Variants in CSMD1 observed in about 807,000 individuals in gnomAD.
The protein encoded by CSMD1 is CUB and sushi domain-containing protein 1.
CSMD1 carries 213 observed loss-of-function variants against 417.5 expected under a neutral mutation model. That is an observed-to-expected ratio of 0.51 (90% CI 0.46 to 0.57). CSMD1 has a LOEUF of 0.57. Among genes scored for constraint, CSMD1 ranks in the 20% least tolerant of loss-of-function variants. The probability of loss-of-function intolerance (pLI) is 0.00; values close to 1 mark genes in which losing one functional copy is unlikely to be tolerated. For missense variants in CSMD1, 6,923 were observed against 4,529.7 expected (o/e 1.53, Z -15.17); for synonymous variants, 2,862 against 1,736.8 (o/e 1.65, Z -16.11).
intron 37 of CSMD1, 79 bp from the exon 38 acceptor site, chr8:3,162,356 C>G: frequency 1.1e-6 from 1 of 887,342 alleles, no homozygotes; most frequent in Non-Finnish European, 1.8e-6. Context: ...AAGTTTATTT[C>G]TATTGCTCTC....
chr8:3,518,400 G>A (rs1437612692), intron 10 of CSMD1, among the ~76,000 whole-genome samples: 1 of 152,108 alleles, frequency 6.6e-6, no homozygotes, highest in East Asian at 1.9e-4. Context: ...AGATGCCATT[G>A]TATTTAGAAA....
chr8:4,153,829 G>A (rs945115197), intron 3 of CSMD1, among the ~76,000 whole-genome samples: 6 of 152,204 alleles, frequency 3.9e-5, no homozygotes, highest in African/African-American at 7.2e-5. Flanking sequence ...ATGACGGAAC[G>A]TCACATGCAA....
At chr8:3,640,427 T>A (rs1359480582) in intron 7 of CSMD1, among the ~76,000 whole-genome samples, 7 of 152,240 alleles carry the variant, frequency 4.6e-5, no homozygotes, top group Non-Finnish European at 1.0e-4. Flanking sequence ...CCAGAGACCA[T>A]CTTTCCTATG....
In CSMD1 at chr8:4,684,595, C is replaced by G. The variant is rs141152459; in HGVS notation, c.86-47037G>C. 3.7e-3 allele frequency among the ~76,000 whole-genome samples: 568 copies of G among 152,252 alleles called. 5 individuals are homozygous for G. Among genetic ancestry groups the G allele is most frequent in the African/African-American group, 0.013 (551 of 41,544 alleles). ...TACTGGGTGCTTTGGCCCTGTTAGC[C>G]TGTCTGAACCCTCTTTTGAAAATTA... On this transcript the variant is annotated intron_variant, in intron 1 of 69. Coordinates refer to ENST00000635120, the MANE Select transcript of CSMD1 (RefSeq NM_033225.6).
intron 9 of CSMD1, among the ~76,000 whole-genome samples, chr8:3,584,020 T>C (rs570730206): frequency 1.7e-4 from 26 of 152,016 alleles, no homozygotes; most frequent in Admixed American, 1.6e-3. Context: ...CCATCCACTA[T>C]AAAAACACCT....
chr8:4,792,992 ATATATAT>A (rs1479484961), intron 1 of CSMD1, among the ~76,000 whole-genome samples: 11 of 151,364 alleles, frequency 7.3e-5, no homozygotes, highest in African/African-American at 2.7e-4. Context: ...CAATATATAT[ATATATAT>A]ATATATATCT....
At chr8:3,357,096 A>G (rs1232394601) in intron 21 of CSMD1, among the ~76,000 whole-genome samples, 1 of 152,138 alleles carries the variant, frequency 6.6e-6, no homozygotes, top group Non-Finnish European at 1.5e-5. Context: ...TGCAGCGGCC[A>G]GAATCCTCCA....
chr8:4,624,350 A>T (rs1223882023), intron 2 of CSMD1, among the ~76,000 whole-genome samples: 1 of 152,238 alleles, frequency 6.6e-6, no homozygotes, highest in South Asian at 2.1e-4. Flanking sequence ...CTCCATTATC[A>T]AAAGAAAGTA....
intron 2 of CSMD1, among the ~76,000 whole-genome samples, chr8:4,540,542 CCTA>C (rs1797329954): frequency 6.6e-6 from 1 of 151,900 alleles, no homozygotes; most frequent in African/African-American, 2.4e-5. Context: ...CATCTGAAAA[CCTA>C]ATGGATGGGA....
chr8:4,078,187 T>A (rs1213087669), intron 3 of CSMD1, among the ~76,000 whole-genome samples: 1 of 152,218 alleles, frequency 6.6e-6, no homozygotes, highest in Non-Finnish European at 1.5e-5. Flanking sequence ...TATTTTCAAC[T>A]CTTTGCTGCA....
chr8:4,167,750 G>A (rs1049164166), intron 3 of CSMD1, among the ~76,000 whole-genome samples: 2 of 152,182 alleles, frequency 1.3e-5, no homozygotes, highest in Non-Finnish European at 2.9e-5. Context: ...AGCACTTTTA[G>A]AGACCAAGGC....
chr8:3,999,871 G>T (rs1378659793), intron 4 of CSMD1, among the ~76,000 whole-genome samples: 3 of 152,142 alleles, frequency 2.0e-5, no homozygotes, highest in Non-Finnish European at 4.4e-5. Context: ...TGACGTTGTG[G>T]AAAGGGCTGC....
chr8:3,205,683 C>T lies in CSMD1; in HGVS notation c.4868-63G>A, dbSNP rs1585650001. The T allele has an allele frequency of 4.2e-6, 3 of 721,844 alleles. No individual in the cohort carries two copies. In the South Asian group the frequency reaches 5.5e-5, roughly 13 times the overall value. 44.7% of individuals were successfully genotyped at this position (721,844 alleles called of 1,614,324 possible). On this transcript the variant is annotated intron_variant, in intron 30 of 69. Transcript: ENST00000635120. The stretch of plus-strand genomic sequence containing the variant: ...ATAATAGCGCAGGTGATAGGTGAGC[C>T]AAAGCTGAAACACATCAAACACGTG...
At chr8:3,575,845 T>TG (rs1491363156) in intron 9 of CSMD1, among the ~76,000 whole-genome samples, 3,953 of 14,214 alleles carry the variant, frequency 0.28, 170 homozygotes, top group African/African-American at 0.34. Context: ...ATGAAAGGAG[T>TG]TTTTTTTTTT....
chr8:3,429,512 G>A lies in CSMD1; in HGVS notation c.1562-19907C>T, dbSNP rs530583830. Among the ~76,000 whole-genome samples, 3 of 152,262 alleles carry A rather than the reference G, an allele frequency of 2.0e-5. No homozygotes were observed. The South Asian group carries it at 6.2e-4, about 32-fold the overall frequency. ...CTTAAACGCCCCTGCAGGGAAAAAG[G>A]CATGAAGACACTTTGGGGGCTGTCA... On this transcript the variant is annotated intron_variant, in intron 12 of 69. Coordinates refer to ENST00000635120, the MANE Select transcript of CSMD1 (RefSeq NM_033225.6).
At chr8:3,912,042 T>C (rs1412909331) in intron 5 of CSMD1, among the ~76,000 whole-genome samples, 1 of 152,214 alleles carries the variant, frequency 6.6e-6, no homozygotes, top group African/African-American at 2.4e-5. Flanking sequence ...GAGTATATTT[T>C]CTTTAACCAC....
At chr8:3,453,375 G>A (rs1279136063) in intron 12 of CSMD1, among the ~76,000 whole-genome samples, 1 of 151,698 alleles carries the variant, frequency 6.6e-6, no homozygotes, top group African/African-American at 2.4e-5. Context: ...GTTTGCTCTT[G>A]CTTCTCTGGT....
chr8:4,962,589 G>T (rs1809580211), intron 1 of CSMD1, among the ~76,000 whole-genome samples: 1 of 152,044 alleles, frequency 6.6e-6, no homozygotes, highest in South Asian at 2.1e-4. Context: ...TAATCAGATG[G>T]GTATTTGATA....
intron 7 of CSMD1, among the ~76,000 whole-genome samples, chr8:3,640,318 C>T (rs888128916): frequency 1.3e-5 from 2 of 152,142 alleles, no homozygotes; most frequent in African/African-American, 4.8e-5. Context: ...TGTTCACAAC[C>T]AAGATTTTAT....
Sources: gnomAD v4.1 joint callset for allele counts (sites outside exome capture counted in the v4.1 genomes callset) on GRCh38, gnomAD v4.1.1 for gene constraint, MANE v1.5 for transcripts, NCBI Gene and HGNC (gene_info 2026-07-23, HGNC 2026-07-21) for gene names.